PDE8B: variants seen among roughly 807,000 people sequenced by gnomAD.
PDE8B encodes the protein phosphodiesterase 8B.
In PDE8B, 26 loss-of-function variants were observed where a neutral mutation model predicts 101.3. That is an observed-to-expected ratio of 0.26 (90% confidence interval 0.19 to 0.36). The LOEUF is 0.36. Ranked by LOEUF, PDE8B falls within the 10% of genes least tolerant of loss-of-function variation. PDE8B has a pLI of 1.00. For synonymous variants in PDE8B, 424 were observed against 429.3 expected (o/e 0.99, Z 0.15); for missense variants, 810 against 1,163.1 (o/e 0.70, Z 4.42).
the PDE8B span, among the ~76,000 whole-genome samples, chr5:77,142,989 A>G: frequency 1.3e-5 from 2 of 152,294 alleles, no homozygotes; most frequent in South Asian, 4.1e-4. Flanking sequence ...GTATTGAGGC[A>G]TGGAGAGTTG....
At chr5:77,169,682 C>T in the PDE8B span, among the ~76,000 whole-genome samples, 2 of 152,122 alleles carry the variant, frequency 1.3e-5, no homozygotes, top group Admixed American at 1.3e-4. Flanking sequence ...TTGAGGTAAT[C>T]TAAGAGATAC....
At chr5:77,209,194 G>A (rs1357779220), upstream of PDE8B, among the ~76,000 whole-genome samples, 1 of 152,086 alleles carries the variant, frequency 6.6e-6, no homozygotes. Flanking sequence ...AAAAAAGAGA[G>A]CTAAACTGAG....
chr5:77,413,183 C>T lies in PDE8B; in HGVS notation c.1785C>T (p.Thr595=). The T allele has an allele frequency of 6.2e-7, 1 of 1,613,896 alleles. No homozygotes were observed. The highest frequency in any genetic ancestry group is 8.5e-7 in the Non-Finnish European group (1 of 1,179,880). Residue 595 remains threonine (T), a synonymous_variant, in exon 17 of 22, where the codon ACC becomes ACT. Coordinates refer to ENST00000264917, the MANE Select transcript of PDE8B (RefSeq NM_003719.5). ...GTGAATTTTTAAACTGTTCTGAAAC[C>T]ACTCTTCGGGCCTGGTTCCAAGTGA... ...GVCEFLNCSE[T]TLRAWFQVIE...
chr5:77,363,324 AG>A (rs1294744409), intron 10 of PDE8B, among the ~76,000 whole-genome samples: 8 of 152,190 alleles, frequency 5.3e-5, no homozygotes, highest in Admixed American at 2.0e-4. Context: ...GTATCTTCGG[AG>A]AATTCATAAG....
At chr5:77,353,902 G>A (rs1022919396) in intron 10 of PDE8B, among the ~76,000 whole-genome samples, 1 of 152,102 alleles carries the variant, frequency 6.6e-6, no homozygotes, top group Non-Finnish European at 1.5e-5. Flanking sequence ...AACTTTTTAA[G>A]GTAATTTTGT....
intron 1 of PDE8B, among the ~76,000 whole-genome samples, chr5:77,272,457 G>A (rs916690706): frequency 2.0e-5 from 3 of 152,144 alleles, no homozygotes; most frequent in Non-Finnish European, 2.9e-5. Flanking sequence ...CACAATCAGT[G>A]CCCTTTGTAC....
At chr5:77,237,263 A>G (rs957500206) in intron 1 of PDE8B, among the ~76,000 whole-genome samples, 4 of 152,062 alleles carry the variant, frequency 2.6e-5, no homozygotes, top group African/African-American at 9.7e-5. Flanking sequence ...TTTAATGTCC[A>G]TACTTTTATT....
At chr5:77,283,986 A>G (rs961435176) in intron 1 of PDE8B, among the ~76,000 whole-genome samples, 1 of 152,170 alleles carries the variant, frequency 6.6e-6, no homozygotes, top group Non-Finnish European at 1.5e-5. Flanking sequence ...TGTCCTTCCC[A>G]GCATTTAGTG....
At chr5:77,184,872 T>C in the PDE8B span, among the ~76,000 whole-genome samples, 5 of 152,114 alleles carry the variant, frequency 3.3e-5, no homozygotes, top group Non-Finnish European at 5.9e-5. Flanking sequence ...AAATAAAATA[T>C]AAAGATTTAT....
chr5:77,090,749 A>G, the PDE8B span, among the ~76,000 whole-genome samples: 2,647 of 152,016 alleles, frequency 0.017, 58 homozygotes, highest in African/African-American at 0.055. Context: ...GCTGAATAAT[A>G]TCCGTGTGTG....
At chr5:77,423,856 C>T (rs148059694) in intron 20 of PDE8B, among the ~76,000 whole-genome samples, 78 of 151,654 alleles carry the variant, frequency 5.1e-4, no homozygotes, top group Non-Finnish European at 9.0e-4. Flanking sequence ...AGGCTGGTCT[C>T]GAATTCCTGA....
At chr5:77,222,370 A>T (rs1993945) in intron 1 of PDE8B, among the ~76,000 whole-genome samples, 82,466 of 152,024 alleles carry the variant, frequency 0.54, 25,051 homozygotes, top group East Asian at 0.83. Context: ...ATGCCTGTAA[A>T]CCCAGCACTT....
the PDE8B span, chr5:77,148,524 A>G: frequency 6.6e-6 from 1 of 152,202 alleles, no homozygotes; most frequent in East Asian, 1.9e-4. Flanking sequence ...ATTTTCCCAC[A>G]TCCTCACCAA....
At chr5:77,271,752 G>C (rs1014660848) in intron 1 of PDE8B, among the ~76,000 whole-genome samples, 9 of 152,174 alleles carry the variant, frequency 5.9e-5, no homozygotes, top group Admixed American at 1.3e-4. Flanking sequence ...GGGAGCCACT[G>C]TTTCTTGAAA....
chr5:77,402,939 CT>C (rs911283129), intron 11 of PDE8B, among the ~76,000 whole-genome samples: 1 of 152,042 alleles, frequency 6.6e-6, no homozygotes, highest in Non-Finnish European at 1.5e-5. Flanking sequence ...GTTATTGCAT[CT>C]TTTTTTTATT....
intron 1 of PDE8B, among the ~76,000 whole-genome samples, chr5:77,286,993 C>T (rs926686794): frequency 1.3e-5 from 2 of 152,090 alleles, no homozygotes; most frequent in African/African-American, 2.4e-5. Context: ...CTCCTGTTGT[C>T]GTGCATTTTA....
chr5:77,362,460 GCCTGGACCGTAATTT>G (rs762682819), intron 10 of PDE8B, among the ~76,000 whole-genome samples: 13 of 152,118 alleles, frequency 8.5e-5, no homozygotes, highest in Non-Finnish European at 1.3e-4. Context: ...CTAAATTATG[GCCTGGACCGTAATTT>G]CCTGACCTCC....
At chr5:77,092,437 C>T in the PDE8B span, 1 of 152,066 alleles carries the variant, frequency 6.6e-6, no homozygotes, top group Non-Finnish European at 1.5e-5. Context: ...AGTGGCAGTT[C>T]CCCTAACTTT....
chr5:77,345,741 A>C (rs1314415440), intron 7 of PDE8B, among the ~76,000 whole-genome samples: 1 of 152,202 alleles, frequency 6.6e-6, no homozygotes, highest in Non-Finnish European at 1.5e-5. Context: ...CCTGAAATAT[A>C]GACTTTCCAC....
Sources: allele counts gnomAD v4.1 joint callset (sites outside exome capture counted in the v4.1 genomes callset), GRCh38; gene constraint gnomAD v4.1.1; transcripts MANE v1.5; gene names NCBI Gene and HGNC (gene_info 2026-07-23, HGNC 2026-07-21).